The following PTPN12 variants were observed in gnomAD, a reference collection of about 807,000 sequenced individuals.
PTPN12 encodes protein tyrosine phosphatase non-receptor type 12, also known as tyrosine-protein phosphatase non-receptor type 12.
Under a neutral mutation model 97.6 loss-of-function variants are expected in PTPN12, and 29 were observed. The ratio of observed to expected loss-of-function variants is 0.30; its 90% confidence interval spans 0.22 to 0.41. The LOEUF (loss-of-function observed/expected upper bound fraction) is 0.41, where lower values mean the gene tolerates loss of function less well. PTPN12 is among the 10% of genes least tolerant of loss of function. PTPN12 has a pLI of 1.00. For missense variants in PTPN12, 819 were observed against 926.0 expected, an observed-to-expected ratio of 0.88 and a Z score of 1.50; for synonymous variants, 327 against 300.4, an observed-to-expected ratio of 1.09 and a Z score of -0.91.
intron 1 of PTPN12, among the ~76,000 whole-genome samples, chr7:77,555,765 A>G (rs1369581397): frequency 6.6e-6 from 1 of 152,026 alleles, no homozygotes; most frequent in Non-Finnish European, 1.5e-5. Context: ...ATACAAAAAA[A>G]TTAGCTGGGC....
At chr7:77,572,505 C>T (rs1375324310) in intron 2 of PTPN12, among the ~76,000 whole-genome samples, 1 of 151,988 alleles carries the variant, frequency 6.6e-6, no homozygotes, top group Admixed American at 6.6e-5. Context: ...CTCTTTTCTC[C>T]ACTAACTTCT....
At position 77,537,631 on chromosome 7, in the gene PTPN12, G is replaced by T; in HGVS notation, c.85G>T (p.Ala29Ser). The T allele has an allele frequency of 1.3e-6, 2 of 1,598,330 alleles. No homozygotes were observed. The highest frequency in any genetic ancestry group is 1.7e-6 in the Non-Finnish European group (2 of 1,173,690). ...SPDHNGEDNF[A>S]RDFMRLRRLS... ...TGACCACAATGGGGAGGACAACTTC[G>T]CCCGGGACTTCATGGTGAGTCTCTC... The change falls in exon 1 of 18, where the codon GCC (alanine) becomes TCC (serine). Residue 29 changes from alanine (A) to serine (S), a missense_variant. By Grantham distance (99) the Ala-to-Ser change is moderately conservative. Transcript: ENST00000248594.
At chr7:77,556,388 T>G (rs1228764359) in intron 1 of PTPN12, among the ~76,000 whole-genome samples, 1 of 152,114 alleles carries the variant, frequency 6.6e-6, no homozygotes, top group Non-Finnish European at 1.5e-5. Context: ...TGAGCTTGTT[T>G]ATGGATTTTG....
At chr7:77,554,054 C>G (rs527801871) in intron 1 of PTPN12, among the ~76,000 whole-genome samples, 1 of 152,248 alleles carries the variant, frequency 6.6e-6, no homozygotes, top group East Asian at 1.9e-4. Context: ...TAACCTCAAA[C>G]TTCTGGGCTC....
intron 12 of PTPN12, 38 bp downstream of exon 12, chr7:77,618,603 C>A: frequency 7.8e-7 from 1 of 1,287,476 alleles, no homozygotes; most frequent in Non-Finnish European, 1.1e-6. Context: ...TAAAAGCATA[C>A]TTGTTTCTAC....
At chr7:77,635,170 A>T (rs1032320654) in intron 14 of PTPN12, among the ~76,000 whole-genome samples, 1 of 152,236 alleles carries the variant, frequency 6.6e-6, no homozygotes, top group African/African-American at 2.4e-5. Flanking sequence ...TATGCCTGTG[A>T]TCCCAGCACT....
At chr7:77,618,429 G>A (rs1161372539) in intron 11 of PTPN12, 51 bp from the exon 12 acceptor site, 2 of 1,240,010 alleles carry the variant, frequency 1.6e-6, no homozygotes, top group African/African-American at 3.1e-5. Context: ...AACATGAAGA[G>A]GAAAAATTAT....
chr7:77,544,685 A>G (rs1807134240), intron 1 of PTPN12, among the ~76,000 whole-genome samples: 1 of 152,236 alleles, frequency 6.6e-6, no homozygotes, highest in Non-Finnish European at 1.5e-5. Context: ...CATTAGATTC[A>G]TAAATATTTA....
At chr7:77,638,508 C>T (rs1471450290) in intron 16 of PTPN12, 116 bp from the exon 17 acceptor site, 4 of 1,305,818 alleles carry the variant, frequency 3.1e-6, no homozygotes, top group Non-Finnish European at 3.9e-6. Context: ...AATTATGGTG[C>T]CCAGGAGAGA....
intron 1 of PTPN12, chr7:77,538,077 C>T: frequency 1.0e-6 from 1 of 992,398 alleles, no homozygotes. Context: ...GAGTGCAGAT[C>T]GTGGCTGACA....
At chr7:77,631,830 T>C (rs554260821) in intron 13 of PTPN12, among the ~76,000 whole-genome samples, 2 of 152,364 alleles carry the variant, frequency 1.3e-5, no homozygotes, top group East Asian at 1.9e-4. Context: ...TCCAATGTTA[T>C]TTCAGTTATT....
intron 12 of PTPN12, 149 bp downstream of exon 12, chr7:77,618,714 T>A (rs1286837593): frequency 7.0e-6 from 4 of 570,960 alleles, no homozygotes; most frequent in African/African-American, 3.8e-5. Context: ...ACAACTGATT[T>A]GTTACTGGTT....
At chr7:77,630,848 G>A (rs888697508) in intron 13 of PTPN12, among the ~76,000 whole-genome samples, 1 of 152,160 alleles carries the variant, frequency 6.6e-6, no homozygotes, top group Non-Finnish European at 1.5e-5. Flanking sequence ...GCAATATCTG[G>A]TTGGATAACC....
At chr7:77,618,660 T>G (rs965051847) in intron 12 of PTPN12, 95 bp downstream of exon 12, 7 of 806,550 alleles carry the variant, frequency 8.7e-6, no homozygotes, top group Admixed American at 5.0e-5. Flanking sequence ...TAAATTACTT[T>G]TATAACTTTT....
intron 2 of PTPN12, among the ~76,000 whole-genome samples, chr7:77,573,093 A>AAC: frequency 2.1e-5 from 1 of 46,692 alleles, no homozygotes; most frequent in African/African-American, 1.7e-4. Context: ...AAAAAAAAAA[A>AAC]AAACAAAAAA....
chr7:77,619,928 C>T (rs906038264), intron 12 of PTPN12, among the ~76,000 whole-genome samples: 1 of 152,110 alleles, frequency 6.6e-6, no homozygotes, highest in Non-Finnish European at 1.5e-5. Flanking sequence ...CTTTCCTGTT[C>T]GATTTCCACT....
chr7:77,621,657 C>T (rs946826236), intron 12 of PTPN12, among the ~76,000 whole-genome samples: 3 of 149,272 alleles, frequency 2.0e-5, no homozygotes, highest in Admixed American at 6.7e-5. Context: ...TGTGACAGAG[C>T]GAGACTCCAT....
At chr7:77,574,182 T>C (rs774383674) in intron 2 of PTPN12, among the ~76,000 whole-genome samples, 4 of 152,126 alleles carry the variant, frequency 2.6e-5, no homozygotes, top group East Asian at 1.9e-4. Context: ...ATTAGTGTTA[T>C]TGAGAGTGTG....
At chr7:77,540,773 G>GA (rs1298581682) in intron 1 of PTPN12, among the ~76,000 whole-genome samples, 10 of 151,044 alleles carry the variant, frequency 6.6e-5, no homozygotes, top group Non-Finnish European at 1.2e-4. Context: ...CATGGAAAGA[G>GA]AAAAAAAAGA....
Sources: allele counts gnomAD v4.1 joint callset (sites outside exome capture counted in the v4.1 genomes callset), GRCh38; gene constraint gnomAD v4.1.1; transcripts MANE v1.5; gene names NCBI Gene and HGNC (gene_info 2026-07-23, HGNC 2026-07-21).